Variants in UBE3C observed in about 807,000 individuals in gnomAD.
UBE3C encodes ubiquitin protein ligase E3C.
UBE3C carries 42 observed loss-of-function variants against 129.4 expected under a neutral mutation model. That is an observed-to-expected ratio of 0.32 (90% CI 0.25 to 0.42). The LOEUF is 0.42. Among genes scored for constraint, UBE3C ranks in the 10% least tolerant of loss-of-function variants. The pLI is 1.00. For missense variants in UBE3C, 1,049 were observed against 1,319.1 expected (o/e 0.80, Z 3.17); for synonymous variants, 510 against 492.4 (o/e 1.04, Z -0.47).
chr7:157,169,774 A>G (rs957664592), intron 3 of UBE3C, among the ~76,000 whole-genome samples: 2 of 151,810 alleles, frequency 1.3e-5, no homozygotes, highest in Admixed American at 6.6e-5. Flanking sequence ...CTCTGCCCCC[A>G]GGTTCAAGCT....
At chr7:157,214,295 G>A (rs554515701) in intron 13 of UBE3C, among the ~76,000 whole-genome samples, 29 of 152,256 alleles carry the variant, frequency 1.9e-4, no homozygotes, top group African/African-American at 6.7e-4. Flanking sequence ...GAACTTAATT[G>A]TCTCATATAA....
intron 22 of UBE3C, among the ~76,000 whole-genome samples, chr7:157,262,408 G>GTTTT (rs1247521634): frequency 3.1e-3 from 61 of 19,670 alleles, no homozygotes; most frequent in South Asian, 6.6e-3. Flanking sequence ...CTCTTCATAG[G>GTTTT]CTTTTTTTTT....
rs76000864 is a variant in UBE3C at position 157,175,503 on chromosome 7, A to G, written c.458+469A>G. ...GACTTTCTTGCATTCAGTGTCCGAA[A>G]GAACACGTGTAAGTGATGTGAGTTA... On this transcript the variant is annotated intron_variant, in intron 5 of 22. Transcript: ENST00000348165. Among the ~76,000 whole-genome samples, 507 of 152,360 alleles carry G rather than the reference A, an allele frequency of 3.3e-3. 2 individuals carry two copies. Among genetic ancestry groups the G allele is most frequent in the African/African-American group, 0.011 (472 of 41,584 alleles).
At chr7:157,260,129 C>T (rs1278808148) in intron 22 of UBE3C, among the ~76,000 whole-genome samples, 1 of 131,066 alleles carries the variant, frequency 7.6e-6, no homozygotes, top group African/African-American at 2.9e-5. Flanking sequence ...AAAAAATAAC[C>T]ATGCAAATAA....
chr7:157,171,702 T>A lies in UBE3C; in HGVS notation c.342+1252T>A, dbSNP rs1264031392. On this transcript the variant is annotated intron_variant, in intron 4 of 22. Coordinates refer to ENST00000348165, the MANE Select transcript of UBE3C (RefSeq NM_014671.3). ...TATATATATATTTTTTTTTTTTTTTTTTTTTTTTTTTTTTTTTTTTTTGAG... is the reference window on the plus strand; with the variant it reads ...TATATATATATTTTTTTTTTTTTTTATTTTTTTTTTTTTTTTTTTTTTGAG... 4.5e-3 allele frequency among the ~76,000 whole-genome samples: 132 copies of A among 29,118 alleles called. 2 individuals are homozygous for A. Among genetic ancestry groups the A allele is most frequent in the African/African-American group, 0.031 (87 of 2,788 alleles). The allele number at this position is 29,118 out of a possible 152,430, so 19.1% of individuals were successfully genotyped here. A position where few individuals can be genotyped will look rare whatever the true frequency, so the allele number is the denominator to read the frequency against.
chr7:157,242,526 T>TTG (rs772606319), intron 18 of UBE3C, among the ~76,000 whole-genome samples: 13,575 of 146,658 alleles, frequency 0.093, 754 homozygotes, highest in Non-Finnish European at 0.12. Context: ...TTTTTTTTTT[T>TTG]TTTTTTTTTT....
At chr7:157,155,409 A>G (rs1807874248) in intron 1 of UBE3C, among the ~76,000 whole-genome samples, 1 of 152,226 alleles carries the variant, frequency 6.6e-6, no homozygotes, top group Admixed American at 6.5e-5. Flanking sequence ...AGGTGAAACA[A>G]AAACCTCACA....
intron 22 of UBE3C, 116 bp downstream of exon 22, chr7:157,257,160 C>A: frequency 1.4e-6 from 2 of 1,387,656 alleles, no homozygotes; most frequent in East Asian, 2.4e-5. Flanking sequence ...TTATCTTCAG[C>A]TAGATTTTTA....
At chr7:157,192,218 A>T (rs1586677062) in intron 10 of UBE3C, 1 of 273,484 alleles carries the variant, frequency 3.7e-6, no homozygotes, top group South Asian at 4.4e-5. Flanking sequence ...GTTTCCCGGG[A>T]AATATGAGTA....
At chr7:157,249,511 C>A (rs970513062) in intron 19 of UBE3C, among the ~76,000 whole-genome samples, 5 of 152,154 alleles carry the variant, frequency 3.3e-5, no homozygotes, top group African/African-American at 1.2e-4. Context: ...TGGGGTTTCT[C>A]CATGTTGGTC....
At chr7:157,232,171 T>C (rs1320758503) in intron 18 of UBE3C, among the ~76,000 whole-genome samples, 1 of 152,176 alleles carries the variant, frequency 6.6e-6, no homozygotes, top group Non-Finnish European at 1.5e-5. Flanking sequence ...AGGACACCTG[T>C]CATTGTATTG....
intron 17 of UBE3C, among the ~76,000 whole-genome samples, chr7:157,226,044 T>C (rs1429766052): frequency 1.3e-5 from 2 of 152,160 alleles, no homozygotes; most frequent in Admixed American, 6.5e-5. Flanking sequence ...TTAAAAAATA[T>C]TAATTATTTT....
chr7:157,224,467 T>G (rs1417498637), intron 16 of UBE3C, among the ~76,000 whole-genome samples: 11 of 152,174 alleles, frequency 7.2e-5, no homozygotes, highest in Admixed American at 3.3e-4. Flanking sequence ...GTGCTGAAAT[T>G]ACAGGCATGA....
chr7:157,206,501 A>G (rs1426958314), intron 11 of UBE3C, among the ~76,000 whole-genome samples: 1 of 151,912 alleles, frequency 6.6e-6, no homozygotes, highest in Non-Finnish European at 1.5e-5. Flanking sequence ...TGACCTTGTG[A>G]TCCACCCACC....
At chr7:157,174,854 T>C in intron 4 of UBE3C, 65 bp from the exon 5 acceptor site, 1 of 1,251,408 alleles carries the variant, frequency 8.0e-7, no homozygotes, top group Non-Finnish European at 1.1e-6. Context: ...TTTGGGGTAT[T>C]ATGTAAATTA....
chr7:157,143,294 G>A (rs1031468195), intron 1 of UBE3C, among the ~76,000 whole-genome samples: 1 of 152,088 alleles, frequency 6.6e-6, no homozygotes, highest in East Asian at 1.9e-4. Context: ...AGAATATCAC[G>A]GGGTCATCTG....
At chr7:157,208,149 A>G (rs1457301368) in intron 13 of UBE3C, among the ~76,000 whole-genome samples, 4 of 132,574 alleles carry the variant, frequency 3.0e-5, no homozygotes, top group Non-Finnish European at 6.2e-5. Flanking sequence ...ATCATACTCC[A>G]CTGCAGCCTT....
At chr7:157,198,272 C>T (rs1299979926) in intron 10 of UBE3C, 22 of 1,063,632 alleles carry the variant, frequency 2.1e-5, no homozygotes, top group Non-Finnish European at 2.5e-5. Flanking sequence ...AGGTGGTGTC[C>T]GTGGGCTCTT....
intron 1 of UBE3C, among the ~76,000 whole-genome samples, chr7:157,152,177 A>T (rs1807773393): frequency 6.6e-6 from 1 of 150,974 alleles, no homozygotes; most frequent in Non-Finnish European, 1.5e-5. Flanking sequence ...AGTGGAAGAG[A>T]AGGCTGGGAG....
Sources: gnomAD v4.1 joint callset for allele counts (sites outside exome capture counted in the v4.1 genomes callset) on GRCh38, gnomAD v4.1.1 for gene constraint, MANE v1.5 for transcripts, NCBI Gene and HGNC (gene_info 2026-07-23, HGNC 2026-07-21) for gene names.